Variants in AGBL1 observed in about 807,000 individuals in gnomAD.
The protein encoded by AGBL1 is AGBL carboxypeptidase 1.
AGBL1 carries 130 observed loss-of-function variants against 118.9 expected under a neutral mutation model. The observed-to-expected ratio is 1.09, with a 90% CI of 0.95 to 1.26. The LOEUF is 1.26. Ranked by LOEUF, AGBL1 falls within the 50% of genes most tolerant of loss-of-function variation. AGBL1 has a pLI of 0.00. For synonymous variants in AGBL1, 555 were observed against 478.9 expected, an observed-to-expected ratio of 1.16 and a Z score of -2.08; for missense variants, 1,584 against 1,298.1, an observed-to-expected ratio of 1.22 and a Z score of -3.38.
intron 17 of AGBL1, among the ~76,000 whole-genome samples, chr15:86,321,841 T>C (rs1198371670): frequency 6.6e-6 from 1 of 150,584 alleles, no homozygotes. Flanking sequence ...CTGGCTTTTC[T>C]ATGTGATATT....
At chr15:86,260,100 G>A (rs2078959179) in intron 9 of AGBL1, among the ~76,000 whole-genome samples, 1 of 152,258 alleles carries the variant, frequency 6.6e-6, no homozygotes, top group Non-Finnish European at 1.5e-5. Flanking sequence ...AGGATGAATT[G>A]TAGAGAAGGA....
intron 1 of AGBL1, among the ~76,000 whole-genome samples, chr15:86,113,841 G>T (rs564559683): frequency 6.6e-6 from 1 of 152,288 alleles, no homozygotes; most frequent in East Asian, 1.9e-4. Context: ...CCTCAAACTT[G>T]CTAGGTAGTC....
chr15:86,092,205 A>G (rs2141467929), intron 1 of AGBL1, among the ~76,000 whole-genome samples: 1 of 152,322 alleles, frequency 6.6e-6, no homozygotes, highest in African/African-American at 2.4e-5. Context: ...ATAAGCATAC[A>G]CATGCACTTA....
intron 22 of AGBL1, among the ~76,000 whole-genome samples, chr15:86,778,280 A>G (rs926770578): frequency 2.0e-5 from 3 of 152,172 alleles, no homozygotes; most frequent in African/African-American, 7.2e-5. Context: ...GGGCAAAATT[A>G]AAATTGCTAA....
At chr15:86,955,296 T>A (rs1454870200) in intron 23 of AGBL1, among the ~76,000 whole-genome samples, 1 of 152,050 alleles carries the variant, frequency 6.6e-6, no homozygotes, top group Non-Finnish European at 1.5e-5. Flanking sequence ...ATACTTAAAA[T>A]TGAATCATAG....
At chr15:86,968,024 C>A (rs1196492549) in intron 23 of AGBL1, among the ~76,000 whole-genome samples, 9 of 151,964 alleles carry the variant, frequency 5.9e-5, no homozygotes, top group Admixed American at 5.9e-4. Flanking sequence ...TGTTGTTCTC[C>A]TTGAAGAGGT....
intron 22 of AGBL1, among the ~76,000 whole-genome samples, chr15:86,875,366 C>T (rs1330018809): frequency 6.6e-6 from 1 of 152,152 alleles, no homozygotes; most frequent in Non-Finnish European, 1.5e-5. Flanking sequence ...TACCAGTTTC[C>T]CTTAGACACA....
chr15:86,396,840 G>A (rs1404539739), intron 17 of AGBL1, among the ~76,000 whole-genome samples: 1 of 152,180 alleles, frequency 6.6e-6, no homozygotes, highest in Non-Finnish European at 1.5e-5. Flanking sequence ...CCCAGAGGTA[G>A]TGAGAGATGA....
At chr15:86,202,135 A>G (rs574987237) in intron 5 of AGBL1, among the ~76,000 whole-genome samples, 1 of 152,248 alleles carries the variant, frequency 6.6e-6, no homozygotes, top group South Asian at 2.1e-4. Flanking sequence ...TCTACTAAAA[A>G]TACAAAAATT....
chr15:86,269,801 GCT>G, intron 13 of AGBL1, 116 bp from the exon 14 acceptor site: 1 of 1,178,044 alleles, frequency 8.5e-7, no homozygotes, highest in South Asian at 1.7e-5. Flanking sequence ...TTACCAGCTG[GCT>G]GAGATCCTGG....
intron 19 of AGBL1, among the ~76,000 whole-genome samples, chr15:86,533,821 A>T (rs868836145): frequency 0.2 from 18,269 of 90,788 alleles, 2,114 homozygotes; most frequent in East Asian, 0.29. Flanking sequence ...AGGGACATGG[A>T]TGAAATTGGA....
At chr15:86,403,765 G>T in intron 18 of AGBL1, among the ~76,000 whole-genome samples, 1 of 152,176 alleles carries the variant, frequency 6.6e-6, no homozygotes, top group East Asian at 1.9e-4. Context: ...ACAGAGCCAG[G>T]AACTCAAGTC....
intron 22 of AGBL1, among the ~76,000 whole-genome samples, chr15:86,809,722 A>C (rs1488064517): frequency 1.3e-5 from 2 of 152,184 alleles, no homozygotes; most frequent in African/African-American, 4.8e-5. Flanking sequence ...ATGTAGCTCT[A>C]TTTGACTTAA....
intron 22 of AGBL1, among the ~76,000 whole-genome samples, chr15:86,872,352 G>A (rs2141508068): frequency 6.6e-6 from 1 of 152,312 alleles, no homozygotes; most frequent in Admixed American, 6.5e-5. Context: ...GAAGCCCTGA[G>A]TCCTGAATCT....
At chr15:86,169,649 C>T (rs560246584) in intron 5 of AGBL1, among the ~76,000 whole-genome samples, 2 of 152,266 alleles carry the variant, frequency 1.3e-5, no homozygotes, top group African/African-American at 2.4e-5. Context: ...AATGTAAATG[C>T]TATGTAAATA....
At chr15:86,726,519 G>A (rs1280241394) in intron 22 of AGBL1, among the ~76,000 whole-genome samples, 2 of 152,164 alleles carry the variant, frequency 1.3e-5, no homozygotes, top group Middle Eastern at 3.2e-3. Flanking sequence ...AATATGCATA[G>A]TGTTTGGCAC....
chr15:86,340,618 T>C (rs4887220), intron 17 of AGBL1, among the ~76,000 whole-genome samples: 102,852 of 152,056 alleles, frequency 0.68, 35,955 homozygotes, highest in Non-Finnish European at 0.77. Context: ...ACGTTGATTT[T>C]GATTTCTGGC....
At chr15:86,196,855 G>A (rs903383301) in intron 5 of AGBL1, among the ~76,000 whole-genome samples, 60 of 133,448 alleles carry the variant, frequency 4.5e-4, no homozygotes, top group African/African-American at 1.7e-3. Context: ...CTGCATATGC[G>A]AATGTGCACA....
intron 22 of AGBL1, among the ~76,000 whole-genome samples, chr15:86,737,043 T>C (rs546851479): frequency 3.0e-4 from 46 of 152,338 alleles, no homozygotes; most frequent in African/African-American, 1.1e-3. Context: ...TGCCCTGTAC[T>C]GTGCTGAATG....
Sources: allele counts gnomAD v4.1 joint callset (sites outside exome capture counted in the v4.1 genomes callset), GRCh38; gene constraint gnomAD v4.1.1; transcripts MANE v1.5; gene names NCBI Gene and HGNC (gene_info 2026-07-23, HGNC 2026-07-21).